The following JARID2 variants were observed in gnomAD, a reference collection of about 807,000 sequenced individuals.
The protein encoded by JARID2 is jumonji and AT-rich interaction domain containing 2, also known as protein Jumonji.
A neutral mutation model predicts 125.6 loss-of-function variants in JARID2; 21 were observed. That is an observed-to-expected ratio of 0.17 (90% confidence interval 0.12 to 0.24). JARID2 has a LOEUF of 0.24. JARID2 is among the 10% of genes least tolerant of loss of function. The pLI, the probability that JARID2 is intolerant of heterozygous loss-of-function variation, is 1.00. For synonymous variants in JARID2, 736 were observed against 661.6 expected, an observed-to-expected ratio of 1.11 and a Z score of -1.73; for missense variants, 1,303 against 1,639.6, an observed-to-expected ratio of 0.79 and a Z score of 3.55.
At chr6:15,248,906 G>C (rs1581319469) in intron 1 of JARID2, 1 of 985,560 alleles carries the variant, frequency 1.0e-6, no homozygotes, top group Non-Finnish European at 1.2e-6. Flanking sequence ...GGAGGAGGAA[G>C]AGGAGGAAGA....
chr6:15,499,848 G>A (rs1770646966), intron 7 of JARID2, among the ~76,000 whole-genome samples: 1 of 152,110 alleles, frequency 6.6e-6, no homozygotes. Context: ...TCTTGCTGGT[G>A]TGCTGGGAAC....
chr6:15,313,133 T>A (rs1200337027), intron 1 of JARID2, among the ~76,000 whole-genome samples: 1 of 152,208 alleles, frequency 6.6e-6, no homozygotes, highest in Non-Finnish European at 1.5e-5. Context: ...GAGCTTTTTT[T>A]ACATTACACC....
At chr6:15,344,695 A>G (rs892338181) in intron 1 of JARID2, among the ~76,000 whole-genome samples, 9 of 152,070 alleles carry the variant, frequency 5.9e-5, no homozygotes, top group Non-Finnish European at 1.2e-4. Context: ...TACCTTCTTT[A>G]TAGATTTCCA....
intron 1 of JARID2, among the ~76,000 whole-genome samples, chr6:15,311,862 A>AC (rs1341893713): frequency 1.3e-5 from 2 of 152,104 alleles, no homozygotes; most frequent in Non-Finnish European, 2.9e-5. Flanking sequence ...ACTACGTGAA[A>AC]CTGGGGGGAA....
chr6:15,247,816 C>T (rs1214023619), intron 1 of JARID2: 1 of 985,270 alleles, frequency 1.0e-6, no homozygotes, highest in Non-Finnish European at 1.2e-6. Flanking sequence ...ACTTAGAAAG[C>T]TGTTCCATAA....
chr6:15,400,099 C>T (rs1163221592), intron 2 of JARID2, among the ~76,000 whole-genome samples: 1 of 152,196 alleles, frequency 6.6e-6, no homozygotes, highest in Non-Finnish European at 1.5e-5. Context: ...AGAGCCAGTT[C>T]TGTGAAAGAT....
rs759017023 is a variant in JARID2, at chr6:15,496,917, C to A, written c.1692C>A (p.Ala564=). The change falls in exon 7 of 18, where the codon GCC becomes GCA. Residue 564 remains alanine, a synonymous_variant. Coordinates refer to ENST00000341776, the MANE Select transcript of JARID2 (RefSeq NM_004973.4). ...AGATCCCCGTCCTCAGGCCCTCCGC[C>A]AAGGAGTTCCACGATCCGCTCATCT... The part of the protein sequence containing the change: ...MDEIPVLRPS[A]KEFHDPLIYI... 7.5e-6 allele frequency: 12 copies of A among 1,602,310 alleles called. No individual in the cohort carries two copies. The highest frequency in any genetic ancestry group is 1.0e-5 in the Non-Finnish European group (12 of 1,171,988).
In JARID2 at chr6:15,503,314, C is replaced by T. The variant is rs56394822; in HGVS notation, c.2449-1186C>T. Among the ~76,000 whole-genome samples the T allele has an allele frequency of 6.6e-3, 1,008 of 152,324 alleles. 4 individuals are homozygous for T. Among genetic ancestry groups the T allele is most frequent in the African/African-American group, 0.017 (693 of 41,570 alleles). The stretch of plus-strand genomic sequence containing the variant: ...TTTATATTTACAAGAAACAGACTAT[C>T]AGGAGCGGCTTGGAATTTGCATGGA... On this transcript the variant is annotated intron_variant, in intron 8 of 17. Coordinates refer to ENST00000341776, the MANE Select transcript of JARID2 (RefSeq NM_004973.4).
At chr6:15,344,579 A>G (rs1763186276) in intron 1 of JARID2, among the ~76,000 whole-genome samples, 1 of 151,978 alleles carries the variant, frequency 6.6e-6, no homozygotes, top group African/African-American at 2.4e-5. Flanking sequence ...ATCACAATTT[A>G]AGTCCAAAAC....
intron 5 of JARID2, among the ~76,000 whole-genome samples, chr6:15,482,480 A>G (rs1769668222): frequency 6.6e-6 from 1 of 152,220 alleles, no homozygotes; most frequent in African/African-American, 2.4e-5. Context: ...CACATATAGC[A>G]TTTTTTAATG....
At chr6:15,433,746 CT>C (rs1003172003) in intron 3 of JARID2, among the ~76,000 whole-genome samples, 1 of 152,110 alleles carries the variant, frequency 6.6e-6, no homozygotes, top group African/African-American at 2.4e-5. Context: ...TTTCTCCATT[CT>C]TTTGGGGATA....
At chr6:15,469,294 CTCTGTCTCTGTCTCTCTCTCTCTG>C (rs1768910705) in intron 5 of JARID2, among the ~76,000 whole-genome samples, 2 of 71,542 alleles carry the variant, frequency 2.8e-5, no homozygotes, top group African/African-American at 1.0e-4. Context: ...GTCTCTGTCT[CTCTGTCTCTGTCTCTCTCTCTCTG>C]TCTCTCTCTC....
At chr6:15,372,487 G>A (rs1017761095) in intron 1 of JARID2, among the ~76,000 whole-genome samples, 1 of 151,814 alleles carries the variant, frequency 6.6e-6, no homozygotes, top group Non-Finnish European at 1.5e-5. Context: ...AGCCTCCCCA[G>A]TAGCTGGGAC....
At chr6:15,442,204 A>G (rs1767478031) in intron 3 of JARID2, among the ~76,000 whole-genome samples, 1 of 151,966 alleles carries the variant, frequency 6.6e-6, no homozygotes. Flanking sequence ...AGTTCTGGCA[A>G]TTTGCAGTTG....
intron 1 of JARID2, among the ~76,000 whole-genome samples, chr6:15,334,310 A>T (rs989339011): frequency 7.4e-6 from 1 of 135,982 alleles, no homozygotes; most frequent in African/African-American, 2.6e-5. Flanking sequence ...ACAGTGGCTT[A>T]TGTCACCAAT....
At chr6:15,348,073 AATT>A (rs1429063694) in intron 1 of JARID2, among the ~76,000 whole-genome samples, 4 of 150,880 alleles carry the variant, frequency 2.7e-5, no homozygotes, top group Admixed American at 6.6e-5. Context: ...TTTTTCTTAT[AATT>A]ATTATTATTT....
rs59676297 is a variant in JARID2, at chr6:15,397,202, GTC to G, written c.182-13021_182-13020del. ...CCACACTTTAATGATGTTTTTGAAA[GTC>G]AAATATTAGCACAGTAGATCCCCTT... On this transcript the variant is annotated intron_variant, in intron 2 of 17. Transcript: ENST00000341776. Among the ~76,000 whole-genome samples, 1,084 of 152,258 alleles carry G rather than the reference GTC, an allele frequency of 7.1e-3. 15 individuals are homozygous for G. The highest frequency in any genetic ancestry group is 0.025 in the African/African-American group (1,040 of 41,556).
At chr6:15,295,936 C>T (rs1761396305) in intron 1 of JARID2, among the ~76,000 whole-genome samples, 1 of 152,232 alleles carries the variant, frequency 6.6e-6, no homozygotes, top group South Asian at 2.1e-4. Context: ...GCGGGGATTA[C>T]AGGCCTGAGC....
At chr6:15,375,175 C>T (rs935257171) in intron 2 of JARID2, among the ~76,000 whole-genome samples, 5 of 152,176 alleles carry the variant, frequency 3.3e-5, no homozygotes, top group African/African-American at 1.2e-4. Context: ...TGGCAGCCTC[C>T]TGTTGGAACT....
Sources: gnomAD v4.1 joint callset for allele counts (sites outside exome capture counted in the v4.1 genomes callset) on GRCh38, gnomAD v4.1.1 for gene constraint, MANE v1.5 for transcripts, NCBI Gene and HGNC (gene_info 2026-07-23, HGNC 2026-07-21) for gene names.